The following SFMBT2 variants were observed in gnomAD, a reference collection of about 807,000 sequenced individuals.
SFMBT2 encodes the protein Scm like with four mbt domains 2.
A neutral mutation model predicts 110.1 loss-of-function variants in SFMBT2; 38 were observed. That is an observed-to-expected ratio of 0.35 (90% confidence interval 0.27 to 0.45). The LOEUF is 0.45. Ranked by LOEUF, SFMBT2 falls within the 20% of genes least tolerant of loss-of-function variation. The pLI is 1.00. For synonymous variants in SFMBT2, 425 were observed against 425.4 expected, an observed-to-expected ratio of 1.00 and a Z score of 0.01; for missense variants, 1,011 against 1,094.9, an observed-to-expected ratio of 0.92 and a Z score of 1.08.
chr10:7,322,815 C>A (rs1843237988), intron 4 of SFMBT2, among the ~76,000 whole-genome samples: 1 of 152,036 alleles, frequency 6.6e-6, no homozygotes, highest in African/African-American at 2.4e-5. Context: ...TAGCCCAAGG[C>A]CAAAAATGAA....
At chr10:7,342,945 G>A (rs572688293) in intron 4 of SFMBT2, among the ~76,000 whole-genome samples, 1 of 152,164 alleles carries the variant, frequency 6.6e-6, no homozygotes, top group African/African-American at 2.4e-5. Context: ...TATGTGTCAG[G>A]GTGTCAGAGT....
intron 4 of SFMBT2, among the ~76,000 whole-genome samples, chr10:7,311,453 G>A (rs571816045): frequency 1.3e-5 from 2 of 152,276 alleles, no homozygotes. Flanking sequence ...ATTTTTAAAG[G>A]AGAACTTGGC....
intron 7 of SFMBT2, among the ~76,000 whole-genome samples, chr10:7,257,989 T>C (rs1460877101): frequency 1.3e-5 from 2 of 152,182 alleles, no homozygotes; most frequent in Non-Finnish European, 2.9e-5. Context: ...TGAAGTGCAA[T>C]GATGCAATCA....
intron 4 of SFMBT2, among the ~76,000 whole-genome samples, chr10:7,314,311 T>C (rs902972201): frequency 6.6e-6 from 1 of 152,222 alleles, no homozygotes; most frequent in African/African-American, 2.4e-5. Flanking sequence ...AATGACTAAA[T>C]CTGCTAACTT....
rs987831215 is a variant in SFMBT2 at position 7,203,105 on chromosome 10, C to T, written c.1445-583G>A. On this transcript the variant is annotated intron_variant, in intron 12 of 20. Coordinates refer to ENST00000397167, the MANE Select transcript of SFMBT2 (RefSeq NM_001387889.1). ...TTCAGATCACCTTAACAAAAATAGACCAAAGCTTTTGGCATCTACTAACTT... is the reference window on the plus strand; with the variant it reads ...TTCAGATCACCTTAACAAAAATAGATCAAAGCTTTTGGCATCTACTAACTT... The T allele has an allele frequency of 3.0e-6, 3 of 985,242 alleles. No homozygotes were observed. In the African/African-American group the frequency reaches 5.2e-5, roughly 17 times the overall value. The allele number at this position is 985,242 out of a possible 1,614,324, so 61.0% of individuals were successfully genotyped here.
chr10:7,215,172 G>A (rs753167093), intron 11 of SFMBT2, among the ~76,000 whole-genome samples: 2 of 152,182 alleles, frequency 1.3e-5, no homozygotes, highest in African/African-American at 2.4e-5. Flanking sequence ...AGGCCAAGGT[G>A]GGCAGATCAC....
chr10:7,222,098 C>T (rs556763466), intron 10 of SFMBT2, among the ~76,000 whole-genome samples: 1 of 152,330 alleles, frequency 6.6e-6, no homozygotes, highest in South Asian at 2.1e-4. Flanking sequence ...TAAATGGACT[C>T]AATATCTGTA....
At chr10:7,174,540 G>A (rs1175332236) in intron 17 of SFMBT2, among the ~76,000 whole-genome samples, 2 of 152,166 alleles carry the variant, frequency 1.3e-5, no homozygotes, top group Admixed American at 6.5e-5. Flanking sequence ...TAACCCAAAG[G>A]ATCTTGGGAC....
chr10:7,200,437 A>C lies in SFMBT2; in HGVS notation c.1535T>G (p.Leu512Ter). 1 of 1,601,160 alleles carries C rather than the reference A, an allele frequency of 6.2e-7. No individual in the cohort carries two copies. The highest frequency in any genetic ancestry group is 8.5e-7 in the Non-Finnish European group (1 of 1,173,382). The change falls in exon 14 of 21, where the codon TTA becomes TGA. Residue 512 changes from leucine to a stop codon, truncating the protein, a stop_gained. Coordinates refer to ENST00000397167, the MANE Select transcript of SFMBT2 (RefSeq NM_001387889.1). LOFTEE classifies it high-confidence loss of function. ...ACCTGTGGTGTCCAGGTGAGGGAAT[A>C]AACAAAGGTCATGAGGTATTTTCTT... ...PVKKIPHDLC[L>*]FPHLDTTGTV...
At chr10:7,246,131 T>C in intron 8 of SFMBT2, 1 of 984,334 alleles carries the variant, frequency 1.0e-6, no homozygotes, top group Non-Finnish European at 1.2e-6. Context: ...CAAAACATGG[T>C]CAATAAGAGG....
At chr10:7,365,451 C>T (rs1457401255) in intron 4 of SFMBT2, among the ~76,000 whole-genome samples, 1 of 152,216 alleles carries the variant, frequency 6.6e-6, no homozygotes. Context: ...ATTCCTCAAG[C>T]ACAGGCAGCA....
chr10:7,375,645 A>G (rs1437276190), intron 2 of SFMBT2, among the ~76,000 whole-genome samples: 1 of 152,046 alleles, frequency 6.6e-6, no homozygotes, highest in Admixed American at 6.6e-5. Flanking sequence ...CTGAGCTCAC[A>G]ACTGCAGAGC....
At chr10:7,227,048 A>G (rs1044672401) in intron 10 of SFMBT2, among the ~76,000 whole-genome samples, 2 of 151,876 alleles carry the variant, frequency 1.3e-5, no homozygotes, top group Non-Finnish European at 2.9e-5. Context: ...ACGCATGTGC[A>G]CACACACACA....
rs140759689 is a variant in SFMBT2 at position 7,354,692 on chromosome 10, T to C, written c.436+12957A>G. Among the ~76,000 whole-genome samples the C allele has an allele frequency of 2.8e-3, 419 of 152,324 alleles. 2 individuals carry two copies. The highest frequency in any genetic ancestry group is 9.7e-3 in the African/African-American group (402 of 41,572). ...GACACACCAAGTGCAAATACAAATGTAGCTCACGTAGCACATGTTTAAGAT... is the reference window on the plus strand; with the variant it reads ...GACACACCAAGTGCAAATACAAATGCAGCTCACGTAGCACATGTTTAAGAT... On this transcript the variant is annotated intron_variant, in intron 4 of 20. Transcript: ENST00000397167.
At chr10:7,191,719 G>A (rs1380001432) in intron 15 of SFMBT2, among the ~76,000 whole-genome samples, 1 of 152,204 alleles carries the variant, frequency 6.6e-6, no homozygotes, top group African/African-American at 2.4e-5. Context: ...TAAGCAGCAG[G>A]AAATCAGGGA....
At chr10:7,263,488 C>T (rs986946078) in intron 7 of SFMBT2, among the ~76,000 whole-genome samples, 44 of 152,294 alleles carry the variant, frequency 2.9e-4, no homozygotes, top group African/African-American at 1.0e-3. Flanking sequence ...GTGATCCACC[C>T]GCCTTGGTTT....
chr10:7,393,608 C>T lies in SFMBT2; in HGVS notation c.-51-11659G>A, dbSNP rs539300754. 8.5e-5 allele frequency among the ~76,000 whole-genome samples: 13 copies of T among 152,336 alleles called. No homozygotes were observed. The South Asian group carries it at 2.3e-3, about 27-fold the overall frequency. On this transcript the variant is annotated intron_variant, in intron 1 of 20. Coordinates refer to ENST00000397167, the MANE Select transcript of SFMBT2 (RefSeq NM_001387889.1). ...ACTGTGGCAGAGGCTGCTAACTCCA[C>T]CACCCCTGAATCTGTCTTCTACTTT... is the stretch of plus-strand genomic sequence containing the variant.
chr10:7,198,925 A>G lies in SFMBT2; in HGVS notation c.1559-1238T>C, dbSNP rs559077708. Among the ~76,000 whole-genome samples, 112 of 152,152 alleles carry G rather than the reference A, an allele frequency of 7.4e-4. No homozygotes were observed. In the South Asian group the frequency reaches 0.021, roughly 28 times the overall value. ...GCATGGTAGCATGCGCCTGTAATCA[A>G]TCCATCCTGGGTGAAAAGAGCAAAA... On this transcript the variant is annotated intron_variant, in intron 14 of 20. Transcript: ENST00000397167.
chr10:7,297,759 T>C (rs1842444281), intron 4 of SFMBT2, among the ~76,000 whole-genome samples: 1 of 152,152 alleles, frequency 6.6e-6, no homozygotes, highest in African/African-American at 2.4e-5. Flanking sequence ...CTGAATTCAG[T>C]GTTAAATTAT....
Sources: allele counts gnomAD v4.1 joint callset (sites outside exome capture counted in the v4.1 genomes callset), GRCh38; gene constraint gnomAD v4.1.1; transcripts MANE v1.5; gene names NCBI Gene and HGNC (gene_info 2026-07-23, HGNC 2026-07-21).